PLCD1: variants seen among roughly 807,000 people sequenced by gnomAD.
PLCD1 encodes the protein 1-phosphatidylinositol 4,5-bisphosphate phosphodiesterase delta-1.
Under a neutral mutation model 87.4 loss-of-function variants are expected in PLCD1, and 71 were observed. The observed-to-expected ratio is 0.81, with a 90% CI of 0.67 to 0.99. PLCD1 has a LOEUF of 0.99. Ranked by LOEUF, PLCD1 falls within the 50% of genes least tolerant of loss-of-function variation. The pLI, the probability that PLCD1 is intolerant of heterozygous loss-of-function variation, is 0.00. For synonymous variants in PLCD1, 348 were observed against 399.2 expected (o/e 0.87, Z 1.53); for missense variants, 867 against 1,001.5 (o/e 0.87, Z 1.81).
chr3:38,020,579 G>A (rs1410732572), intron 1 of PLCD1, among the ~76,000 whole-genome samples: 3 of 152,084 alleles, frequency 2.0e-5, no homozygotes, highest in Non-Finnish European at 2.9e-5. Flanking sequence ...CCATGCAAAC[G>A]GGACACCTGC....
chr3:38,012,031 C>CT (rs763245915), intron 3 of PLCD1, among the ~76,000 whole-genome samples: 1,682 of 137,574 alleles, frequency 0.012, 33 homozygotes, highest in Middle Eastern at 0.035. Flanking sequence ...TTTTCCTTTT[C>CT]TTTTTTTTTT....
intron 2 of PLCD1, among the ~76,000 whole-genome samples, chr3:38,019,552 G>A (rs1321186448): frequency 6.6e-6 from 1 of 152,186 alleles, no homozygotes; most frequent in Non-Finnish European, 1.5e-5. Flanking sequence ...AGAGAACTGA[G>A]TGAAGTGAGC....
At chr3:38,012,118 C>T (rs2125545299) in intron 3 of PLCD1, among the ~76,000 whole-genome samples, 1 of 146,970 alleles carries the variant, frequency 6.8e-6, no homozygotes, top group South Asian at 2.2e-4. Flanking sequence ...GCCTAGACCT[C>T]TCAGGCTCAA....
rs1700181690 is a variant in PLCD1 at position 38,017,915 on chromosome 3, C to T, written c.200-1196G>A. Among the ~76,000 whole-genome samples the T allele has an allele frequency of 6.6e-6, 1 of 151,962 alleles. No homozygotes were observed. The highest frequency in any genetic ancestry group is 2.4e-5 in the African/African-American group (1 of 41,362). ...TCCCTCTGCCTGCAGCCCCTGGTGA[C>T]CCACACGGCCGCACACAGGGTGCAG... On this transcript the variant is annotated intron_variant, in intron 2 of 14. Coordinates refer to ENST00000334661, the MANE Select transcript of PLCD1 (RefSeq NM_006225.4). This position sits in a 1 kb window ranked among gnomAD's most constrained non-coding sequence, Gnocchi z 4.7.
chr3:38,014,722 C>G (rs539296082), intron 3 of PLCD1: 19 of 153,272 alleles, frequency 1.2e-4, no homozygotes, highest in African/African-American at 4.3e-4. Flanking sequence ...AAATTATTTG[C>G]AAGCATAAAT....
intron 1 of PLCD1, among the ~76,000 whole-genome samples, chr3:38,022,903 A>G (rs913149634): frequency 1.6e-4 from 24 of 152,034 alleles, no homozygotes; most frequent in African/African-American, 5.6e-4. Flanking sequence ...AAAAGTAATC[A>G]CGGTTTTTGC....
intron 1 of PLCD1, among the ~76,000 whole-genome samples, chr3:38,026,819 A>G (rs1700316014): frequency 6.6e-6 from 1 of 152,248 alleles, no homozygotes. Flanking sequence ...CCACTGTGAA[A>G]TATGTACTGC....
chr3:38,007,666 G>C lies in PLCD1; in HGVS notation c.*107C>G. On this transcript the variant is annotated 3_prime_UTR_variant, in exon 15 of 15. Coordinates refer to ENST00000334661, the MANE Select transcript of PLCD1 (RefSeq NM_006225.4). ...TATGTTAGGGCTGAAGGCAATTTGG[G>C]GGCCTAGCTCTGAGCAAGAGGCTGG... 1 of 855,700 alleles carries C rather than the reference G, an allele frequency of 1.2e-6. No individual in the cohort carries two copies. The highest frequency in any genetic ancestry group is 2.0e-6 in the Non-Finnish European group (1 of 508,812). The allele number at this position is 855,700 out of a possible 1,614,324, so 53.0% of individuals were successfully genotyped here.
Position 38,025,028 on chromosome 3 carries a change from G to A in PLCD1, c.34+4478C>T, listed in dbSNP as rs1270925687. On this transcript the variant is annotated intron_variant, in intron 1 of 14. Transcript: ENST00000334661. The surrounding 1 kb of genome is among the most constrained non-coding windows in gnomAD (Gnocchi z 4.0). ...AGCCTGGGGGCGGGGCCAGAGCCAA[G>A]GCAGCGGGGCGAAGGAGGGGCCAGG... is the stretch of plus-strand genomic sequence containing the variant. Among the ~76,000 whole-genome samples the A allele has an allele frequency of 6.6e-6, 1 of 152,248 alleles. No individual in the cohort carries two copies.
At position 38,024,619 on chromosome 3, in the gene PLCD1, A is replaced by G. The variant is rs1037439239; in HGVS notation, c.35-4267T>C. 15 of 1,516,206 alleles carry G rather than the reference A, an allele frequency of 9.9e-6. No homozygotes were observed. The African/African-American group carries it at 1.7e-4, about 17-fold the overall frequency. 93.9% of individuals were successfully genotyped at this position (1,516,206 alleles called of 1,614,324 possible). On this transcript the variant is annotated intron_variant, in intron 1 of 14. Coordinates refer to ENST00000334661, the MANE Select transcript of PLCD1 (RefSeq NM_006225.4). ...GTTCGAGAGGAGGGGCGCACTTCGG[A>G]GGGGCGGGACGAGAGGGAAATCTGG...
At chr3:38,027,494 C>G (rs1240532416) in intron 1 of PLCD1, among the ~76,000 whole-genome samples, 2 of 152,234 alleles carry the variant, frequency 1.3e-5, no homozygotes, top group Non-Finnish European at 2.9e-5. Flanking sequence ...AAGACTTGAA[C>G]TCAGGTACTT....
chr3:38,008,507 C>T lies in PLCD1; in HGVS notation c.1853G>A (p.Arg618His), dbSNP rs779608157. The T allele has an allele frequency of 5.6e-6, 9 of 1,614,026 alleles. No homozygotes were observed. Among genetic ancestry groups the T allele is most frequent in the Non-Finnish European group, 6.8e-6 (8 of 1,180,024 alleles). The change falls in exon 12 of 15, where the codon CGC becomes CAC. Residue 618 changes from arginine to histidine, a missense_variant. Physicochemically the swap from Arg to His is conservative, Grantham distance 29. Transcript: ENST00000334661. ...CCACCAGGGCCCCTGAGCCAGGGCG[C>T]GGGGGTTAAAGGTGCCGTTGGGGTC... Reference protein sequence around the residue: ...LRDPNGTFNPRALAQGPWWAR... With the variant: ...LRDPNGTFNPHALAQGPWWAR...
rs750657777 is a variant in PLCD1, at chr3:38,024,523, T to TC, written c.35-4172dup. 31 of 1,523,298 alleles carry TC rather than the reference T, an allele frequency of 2.0e-5. No homozygotes were observed. The East Asian group carries it at 7.4e-4, about 36-fold the overall frequency. The allele number at this position is 1,523,298 out of a possible 1,614,324, so 94.4% of individuals were successfully genotyped here. ...ATGCTCACAACACCCTCTGCTCTGG[T>TC]CCGGGGGGCGGAACTGTCGCCCTTG... On this transcript the variant is annotated intron_variant, in intron 1 of 14. Transcript: ENST00000334661.
intron 3 of PLCD1, among the ~76,000 whole-genome samples, chr3:38,015,225 C>G (rs1362749817): frequency 6.6e-6 from 1 of 151,890 alleles, no homozygotes; most frequent in African/African-American, 2.4e-5. Flanking sequence ...TACATGTGGT[C>G]TATCCATACA....
Position 38,008,268 on chromosome 3 carries a change from C to A in PLCD1, c.2002G>T (p.Ala668Ser). 1 of 1,614,164 alleles carries A rather than the reference C, an allele frequency of 6.2e-7. No homozygotes were observed. Among genetic ancestry groups the A allele is most frequent in the Non-Finnish European group, 8.5e-7 (1 of 1,180,042 alleles). ...VEIHGVSRDV[A>S]SRQTAVITNN... ...GTGATGACAGCAGTCTGGCGGCTGGCCACGTCCCGGCTCACGCCATGGATC... is the reference window on the plus strand; with the variant it reads ...GTGATGACAGCAGTCTGGCGGCTGGACACGTCCCGGCTCACGCCATGGATC... The change falls in exon 13 of 15, where the codon GCC (alanine) becomes TCC (serine). Residue 668 changes from alanine to serine, a missense_variant. By Grantham distance (99) the Ala-to-Ser change is moderately conservative. Coordinates refer to ENST00000334661, the MANE Select transcript of PLCD1 (RefSeq NM_006225.4).
At chr3:38,007,917 G>A (rs750267876) in intron 14 of PLCD1, 59 bp from the exon 15 acceptor site, 12 of 1,591,736 alleles carry the variant, frequency 7.5e-6, no homozygotes, top group Middle Eastern at 1.7e-4. Flanking sequence ...CGGCGGCGGA[G>A]GGGGGGTGGA....
intron 3 of PLCD1, among the ~76,000 whole-genome samples, chr3:38,015,732 G>A (rs1339278756): frequency 1.3e-5 from 2 of 152,144 alleles, no homozygotes; most frequent in African/African-American, 2.4e-5. Flanking sequence ...TTTGTTTTGA[G>A]CTCACAGGCT....
intron 3 of PLCD1, among the ~76,000 whole-genome samples, chr3:38,013,049 C>T (rs904391347): frequency 5.9e-5 from 9 of 151,828 alleles, no homozygotes; most frequent in Non-Finnish European, 4.4e-5. Context: ...GTCACTATGC[C>T]TGGCTAATTT....
Position 38,009,946 on chromosome 3 carries a change from G to T in PLCD1, c.1245C>A (p.Asn415Lys). 1 of 1,613,416 alleles carries T rather than the reference G, an allele frequency of 6.2e-7. No individual in the cohort carries two copies. The highest frequency in any genetic ancestry group is 2.2e-5 in the East Asian group (1 of 44,840). ...LHAILGPMLL[N>K]RPLDGVTNSL... ...TGTTGGTGACCCCATCCAGTGGTCG[G>T]TTCAACAGCATGGGGCCCAGGATGG... Residue 415 changes from asparagine (N) to lysine (K), a missense_variant, in exon 8 of 15, where the codon AAC (asparagine) becomes AAA (lysine). Physicochemically the swap from Asn to Lys is moderately conservative, Grantham distance 94. Coordinates refer to ENST00000334661, the MANE Select transcript of PLCD1 (RefSeq NM_006225.4).
Sources: gnomAD v4.1 joint callset for allele counts (sites outside exome capture counted in the v4.1 genomes callset) on GRCh38, gnomAD v4.1.1 for gene constraint, Gnocchi (gnomAD v3.1) non-coding constraint, MANE v1.5 for transcripts, NCBI Gene and HGNC (gene_info 2026-07-23, HGNC 2026-07-21) for gene names.